Variants in SCN8A observed in about 807,000 individuals in gnomAD.
SCN8A encodes the protein sodium channel protein type 8 subunit alpha.
A neutral mutation model predicts 184.1 loss-of-function variants in SCN8A; 30 were observed. The observed-to-expected ratio is 0.16, with a 90% CI of 0.12 to 0.22. The LOEUF is 0.22. Among genes scored for constraint, SCN8A ranks in the 10% least tolerant of loss-of-function variants. The probability of loss-of-function intolerance (pLI) is 1.00; values close to 1 mark genes in which losing one functional copy is unlikely to be tolerated. For missense variants in SCN8A, 1,057 were observed against 2,498.9 expected, an observed-to-expected ratio of 0.42 and a Z score of 12.30; for synonymous variants, 852 against 907.0, an observed-to-expected ratio of 0.94 and a Z score of 1.09.
At chr12:51,604,071 T>A (rs1164254922) in intron 1 of SCN8A, among the ~76,000 whole-genome samples, 1 of 152,182 alleles carries the variant, frequency 6.6e-6, no homozygotes, top group Non-Finnish European at 1.5e-5. Flanking sequence ...AAATTTTGAT[T>A]TAGTCCAATT....
intron 1 of SCN8A, among the ~76,000 whole-genome samples, chr12:51,601,423 T>C (rs1939460566): frequency 4.6e-5 from 7 of 150,852 alleles, no homozygotes; most frequent in Admixed American, 4.6e-4. Flanking sequence ...TATGAATGTT[T>C]CACTTACCTA....
At chr12:51,733,143 G>A (rs1942270800) in intron 12 of SCN8A, among the ~76,000 whole-genome samples, 1 of 152,134 alleles carries the variant, frequency 6.6e-6, no homozygotes, top group Non-Finnish European at 1.5e-5. Context: ...AGATCTTAGA[G>A]AAAAGCTTTC....
chr12:51,675,571 C>G (rs1941209027), intron 2 of SCN8A, among the ~76,000 whole-genome samples: 1 of 152,194 alleles, frequency 6.6e-6, no homozygotes, highest in Admixed American at 6.5e-5. Context: ...GAGTTTAGAA[C>G]TAGAAGCCGG....
At position 51,660,738 on chromosome 12, in the gene SCN8A, A is replaced by G. The variant is rs1464226326; in HGVS notation, c.-54-2026A>G. On this transcript the variant is annotated intron_variant, in intron 1 of 26. Transcript: ENST00000627620. ...GCCTCATATGCTGCTCTGGAGATTG[A>G]ACGAGTTAATACCAGCAAGGTGCTT... Among the ~76,000 whole-genome samples, 3 of 152,306 alleles carry G rather than the reference A, an allele frequency of 2.0e-5. No homozygotes were observed. In the East Asian group the frequency reaches 5.8e-4, roughly 29 times the overall value.
chr12:51,683,758 G>A (rs1941374152), intron 2 of SCN8A, among the ~76,000 whole-genome samples: 1 of 152,062 alleles, frequency 6.6e-6, no homozygotes, highest in Non-Finnish European at 1.5e-5. Context: ...AACTCTTCGG[G>A]CCAAGACTAT....
intron 12 of SCN8A, chr12:51,722,523 A>G (rs1942085582): frequency 6.6e-6 from 1 of 152,612 alleles, no homozygotes; most frequent in Non-Finnish European, 1.5e-5. Context: ...CAAGAATGAG[A>G]TGTGCTTTTT....
At position 51,721,534 on chromosome 12, in the gene SCN8A, C is replaced by G; in HGVS notation, c.1636-12C>G. ...TCCCCGTCCCTCTCTCTTTCCCTGTCTGCCCCTGCAGTCACTGCTCAGCAT... is the reference window on the plus strand; with the variant it reads ...TCCCCGTCCCTCTCTCTTTCCCTGTGTGCCCCTGCAGTCACTGCTCAGCAT... On this transcript the variant is annotated splice_polypyrimidine_tract_variant and intron_variant, in intron 11 of 26. Coordinates refer to ENST00000627620, the MANE Select transcript of SCN8A (RefSeq NM_001330260.2). The G allele has an allele frequency of 6.3e-7, 1 of 1,588,072 alleles. No individual in the cohort carries two copies. Among genetic ancestry groups the G allele is most frequent in the Non-Finnish European group, 8.6e-7 (1 of 1,165,958 alleles).
At chr12:51,736,071 G>A (rs574198139) in intron 12 of SCN8A, among the ~76,000 whole-genome samples, 3 of 152,312 alleles carry the variant, frequency 2.0e-5, no homozygotes, top group African/African-American at 7.2e-5. Context: ...AGTATTCTCT[G>A]TCTCTCCCTT....
chr12:51,641,149 A>G (rs1029266166), intron 1 of SCN8A, among the ~76,000 whole-genome samples: 2 of 152,242 alleles, frequency 1.3e-5, no homozygotes, highest in African/African-American at 4.8e-5. Context: ...ACAGTGTAAC[A>G]ACTACTTACA....
intron 5 of SCN8A, chr12:51,688,668 A>G (rs1340024115): frequency 2.4e-6 from 2 of 830,740 alleles, no homozygotes; most frequent in Admixed American, 2.2e-5. Context: ...AAATGAAACC[A>G]TAGCTTGTAT....
At chr12:51,732,150 A>T (rs1313397087) in intron 12 of SCN8A, among the ~76,000 whole-genome samples, 1 of 152,158 alleles carries the variant, frequency 6.6e-6, no homozygotes, top group African/African-American at 2.4e-5. Context: ...TACCCAGACC[A>T]GTGTCCTGGA....
At chr12:51,712,386 TCA>T (rs1161572616) in intron 11 of SCN8A, 4 of 707,142 alleles carry the variant, frequency 5.7e-6, no homozygotes, top group African/African-American at 1.8e-5. Flanking sequence ...GACGACTGTC[TCA>T]AAGTAACCTG....
chr12:51,731,930 C>T (rs527627441), intron 12 of SCN8A, among the ~76,000 whole-genome samples: 1 of 152,104 alleles, frequency 6.6e-6, no homozygotes, highest in South Asian at 2.1e-4. Context: ...CTGTTTTTTC[C>T]TATAGAGTTC....
At chr12:51,780,101 G>A in intron 20 of SCN8A, 1 of 333,238 alleles carries the variant, frequency 3.0e-6, no homozygotes, top group South Asian at 2.2e-5. Flanking sequence ...TGTCAACCAG[G>A]AGTAAAAGAG....
intron 1 of SCN8A, among the ~76,000 whole-genome samples, chr12:51,593,176 G>C (rs1335940101): frequency 6.6e-5 from 10 of 152,170 alleles, no homozygotes; most frequent in Non-Finnish European, 1.0e-4. Flanking sequence ...TTGCTGGTTG[G>C]TGAGGTGGTG....
chr12:51,776,763 A>G (rs1937716564), intron 20 of SCN8A, among the ~76,000 whole-genome samples: 1 of 152,242 alleles, frequency 6.6e-6, no homozygotes, highest in Admixed American at 6.5e-5. Context: ...GGCATTTTAG[A>G]ACATCCAGAA....
rs138103737 is a variant in SCN8A at position 51,674,927 on chromosome 12, A to G, written c.277-9247A>G. Among the ~76,000 whole-genome samples the G allele has an allele frequency of 5.1e-3, 770 of 152,330 alleles. 9 individuals are homozygous for G. The highest frequency in any genetic ancestry group is 0.01 in the Middle Eastern group (3 of 294). ...CAGCTAATGAGTGACAGAGCTGGGT[A>G]TTGAATCCAGGTCTTTCTGGCCTCA... On this transcript the variant is annotated intron_variant, in intron 2 of 26. Transcript: ENST00000627620.
chr12:51,702,763 C>A lies in SCN8A; in HGVS notation c.993-10C>A. On this transcript the variant is annotated splice_polypyrimidine_tract_variant and intron_variant, in intron 8 of 26. Coordinates refer to ENST00000627620, the MANE Select transcript of SCN8A (RefSeq NM_001330260.2). ...GTTGAAAAGTCCTGAACTTCCCTTTCTTTCTTTAGGCAATGCCCAGAGGGA... is the reference window on the plus strand; with the variant it reads ...GTTGAAAAGTCCTGAACTTCCCTTTATTTCTTTAGGCAATGCCCAGAGGGA... The A allele has an allele frequency of 6.4e-7, 1 of 1,569,284 alleles. No individual in the cohort carries two copies. The highest frequency in any genetic ancestry group is 8.6e-7 in the Non-Finnish European group (1 of 1,156,354).
At chr12:51,601,885 G>GCAATGCATTTAATACT (rs1939474476) in intron 1 of SCN8A, among the ~76,000 whole-genome samples, 1 of 135,250 alleles carries the variant, frequency 7.4e-6, no homozygotes, top group African/African-American at 2.8e-5. Context: ...TTTTTTAAGA[G>GCAATGCATTTAATACT]CAATGCATTT....
Sources: allele counts gnomAD v4.1 joint callset (sites outside exome capture counted in the v4.1 genomes callset), GRCh38; gene constraint gnomAD v4.1.1; transcripts MANE v1.5; gene names NCBI Gene and HGNC (gene_info 2026-07-23, HGNC 2026-07-21).